TINAG: variants seen among roughly 807,000 people sequenced by gnomAD.
TINAG encodes tubulointerstitial nephritis antigen.
In TINAG, 83 loss-of-function variants were observed where a neutral mutation model predicts 72.7. The ratio of observed to expected loss-of-function variants is 1.14; its 90% CI spans 0.96 to 1.37. The LOEUF is 1.37. Among genes scored for constraint, TINAG ranks in the 40% most tolerant of loss-of-function variants. The pLI is 0.00. For synonymous variants in TINAG, 234 were observed against 189.9 expected, an observed-to-expected ratio of 1.23 and a Z score of -1.91; for missense variants, 685 against 576.6, an observed-to-expected ratio of 1.19 and a Z score of -1.93.
chr6:54,371,722 T>C (rs546565010), intron 9 of TINAG, among the ~76,000 whole-genome samples: 48 of 152,174 alleles, frequency 3.2e-4, no homozygotes, highest in African/African-American at 1.2e-3. Flanking sequence ...GTGATTCTAT[T>C]TGTTTAAGAA....
intron 1 of TINAG, among the ~76,000 whole-genome samples, chr6:54,320,117 G>T (rs978933403): frequency 6.6e-6 from 1 of 151,960 alleles, no homozygotes; most frequent in Non-Finnish European, 1.5e-5. Flanking sequence ...ATTTGTCTTT[G>T]TAAGGTAAAT....
At chr6:54,308,390 A>C (rs887887287), upstream of TINAG, 3 of 653,686 alleles carry the variant, frequency 4.6e-6, no homozygotes, top group South Asian at 2.1e-5. Flanking sequence ...ATTCTTGATT[A>C]ATGTTTAACT....
intron 7 of TINAG, among the ~76,000 whole-genome samples, chr6:54,350,162 A>G (rs587260): frequency 0.032 from 4,889 of 152,114 alleles, 272 homozygotes; most frequent in African/African-American, 0.11. Context: ...TAATATGTGT[A>G]TATACATATA....
chr6:54,355,938 G>GA (rs1231701532), intron 9 of TINAG, among the ~76,000 whole-genome samples: 2 of 151,950 alleles, frequency 1.3e-5, no homozygotes, highest in South Asian at 2.1e-4. Flanking sequence ...CAAATTTTTT[G>GA]AAAAGGAAAA....
Position 54,349,865 on chromosome 6 carries a change from A to G in TINAG, c.1049A>G (p.Gln350Arg). The part of the protein sequence containing the change: ...NNVEKSNRIY[Q>R]CSPPYRVSSN... ...GTAGAAAAATCTAACAGGATCTATC[A>G]ATGTTCTCCTCCATACAGAGTCTCT... The change falls in exon 7 of 11, where the codon CAA (glutamine) becomes CGA (arginine). Residue 350 changes from glutamine to arginine, a missense_variant. Gln to Arg is a conservative substitution (Grantham distance 43). Coordinates refer to ENST00000259782, the MANE Select transcript of TINAG (RefSeq NM_014464.4). 1 of 1,607,932 alleles carries G rather than the reference A, an allele frequency of 6.2e-7. No homozygotes were observed. The highest frequency in any genetic ancestry group is 1.1e-5 in the South Asian group (1 of 90,180).
intron 9 of TINAG, among the ~76,000 whole-genome samples, chr6:54,373,534 T>C (rs1305598799): frequency 6.6e-6 from 1 of 152,158 alleles, no homozygotes; most frequent in East Asian, 1.9e-4. Context: ...GCATATAATC[T>C]TGAAATGCTA....
intron 10 of TINAG, among the ~76,000 whole-genome samples, chr6:54,388,732 G>A (rs1239783097): frequency 3.3e-5 from 5 of 151,382 alleles, no homozygotes; most frequent in Non-Finnish European, 7.4e-5. Flanking sequence ...ACACTTATTC[G>A]TTCAAGCTTT....
chr6:54,343,055 C>A (rs574497984), intron 4 of TINAG, among the ~76,000 whole-genome samples, 171 bp from the exon 5 acceptor site: 1 of 152,268 alleles, frequency 6.6e-6, no homozygotes, highest in Non-Finnish European at 1.5e-5. Context: ...ATTGAATTGT[C>A]ATTTTTAACC....
intron 1 of TINAG, among the ~76,000 whole-genome samples, chr6:54,312,348 T>G (rs982861795): frequency 6.6e-6 from 1 of 152,176 alleles, no homozygotes; most frequent in Non-Finnish European, 1.5e-5. Flanking sequence ...GCTGTTGTTA[T>G]GAATAAATGC....
At chr6:54,337,653 C>G (rs1373552294) in intron 4 of TINAG, among the ~76,000 whole-genome samples, 2 of 152,154 alleles carry the variant, frequency 1.3e-5, no homozygotes, top group African/African-American at 2.4e-5. Flanking sequence ...ACAGAAGCCT[C>G]TGTGGAAACC....
At chr6:54,369,701 TC>T (rs2150974040) in intron 9 of TINAG, among the ~76,000 whole-genome samples, 1 of 152,048 alleles carries the variant, frequency 6.6e-6, no homozygotes, top group African/African-American at 2.4e-5. Flanking sequence ...TTAAATATCA[TC>T]ATTATAATTA....
intron 9 of TINAG, among the ~76,000 whole-genome samples, chr6:54,363,738 C>G (rs1166223889): frequency 6.6e-6 from 1 of 151,052 alleles, no homozygotes; most frequent in Non-Finnish European, 1.5e-5. Flanking sequence ...TGAGAACATT[C>G]AATATTTATT....
At chr6:54,376,965 T>C (rs1763802345) in intron 9 of TINAG, among the ~76,000 whole-genome samples, 1 of 152,106 alleles carries the variant, frequency 6.6e-6, no homozygotes, top group South Asian at 2.1e-4. Context: ...GGGAATGTGG[T>C]AGATGGGCTA....
At chr6:54,384,501 C>G (rs1764039439) in intron 10 of TINAG, among the ~76,000 whole-genome samples, 1 of 152,030 alleles carries the variant, frequency 6.6e-6, no homozygotes, top group African/African-American at 2.4e-5. Flanking sequence ...GCAGCACTGA[C>G]TGACAGCTGG....
At chr6:54,368,335 T>C (rs1763499056) in intron 9 of TINAG, among the ~76,000 whole-genome samples, 1 of 147,826 alleles carries the variant, frequency 6.8e-6, no homozygotes, top group Non-Finnish European at 1.5e-5. Flanking sequence ...AATCAAATAA[T>C]AATTTAAATA....
intron 8 of TINAG, among the ~76,000 whole-genome samples, chr6:54,353,420 C>T (rs1216009202): frequency 6.6e-6 from 1 of 151,744 alleles, no homozygotes; most frequent in Non-Finnish European, 1.5e-5. Flanking sequence ...AGTGTAAAAG[C>T]CAATAGAACC....
chr6:54,360,322 T>C (rs779663307), intron 9 of TINAG, among the ~76,000 whole-genome samples: 2 of 151,694 alleles, frequency 1.3e-5, no homozygotes, highest in Non-Finnish European at 3.0e-5. Context: ...AATAACACTA[T>C]TTATTTTGAA....
chr6:54,381,948 C>T (rs1249710689), intron 10 of TINAG, among the ~76,000 whole-genome samples: 1 of 151,984 alleles, frequency 6.6e-6, no homozygotes, highest in Non-Finnish European at 1.5e-5. Flanking sequence ...ATCCTTTCAT[C>T]CTCAACCTGA....
At chr6:54,342,088 C>T (rs1785010681) in intron 4 of TINAG, among the ~76,000 whole-genome samples, 1 of 133,446 alleles carries the variant, frequency 7.5e-6, no homozygotes, top group African/African-American at 2.7e-5. Context: ...TGTGTGAGAA[C>T]ACATATACAC....
Sources: allele counts gnomAD v4.1 joint callset (sites outside exome capture counted in the v4.1 genomes callset), GRCh38; gene constraint gnomAD v4.1.1; transcripts MANE v1.5; gene names NCBI Gene and HGNC (gene_info 2026-07-23, HGNC 2026-07-21).